The following SHISA9 variants were observed in gnomAD, a reference collection of about 807,000 sequenced individuals.
SHISA9 encodes the protein shisa family member 9.
A neutral mutation model predicts 38.0 loss-of-function variants in SHISA9; 13 were observed. The observed-to-expected ratio is 0.34, with a 90% confidence interval of 0.22 to 0.54. The LOEUF is 0.54. Ranked by LOEUF, SHISA9 falls within the 20% of genes least tolerant of loss-of-function variation. The pLI is 0.91. For missense variants in SHISA9, 538 were observed against 575.8 expected, an observed-to-expected ratio of 0.93 and a Z score of 0.67; for synonymous variants, 275 against 242.0, an observed-to-expected ratio of 1.14 and a Z score of -1.27.
At chr16:13,377,485 C>T in the SHISA9 span, among the ~76,000 whole-genome samples, 1 of 152,188 alleles carries the variant, frequency 6.6e-6, no homozygotes, top group African/African-American at 2.4e-5. Flanking sequence ...GTTACCTGGA[C>T]TGCTAGGCCA....
At chr16:13,378,233 GC>G in the SHISA9 span, among the ~76,000 whole-genome samples, 1 of 152,180 alleles carries the variant, frequency 6.6e-6, no homozygotes, top group Non-Finnish European at 1.5e-5. Context: ...CTCCAATATG[GC>G]TACCTCAGGT....
intron 2 of SHISA9, among the ~76,000 whole-genome samples, chr16:13,182,060 G>A (rs575470116): frequency 6.6e-6 from 1 of 152,236 alleles, no homozygotes; most frequent in South Asian, 2.1e-4. Flanking sequence ...ACATAGTGAT[G>A]GAACATCTAG....
At chr16:13,260,785 G>A in the SHISA9 span, among the ~76,000 whole-genome samples, 10 of 151,956 alleles carry the variant, frequency 6.6e-5, no homozygotes, top group South Asian at 2.1e-4. Context: ...TTTCAGCAGC[G>A]CCCCCCTTTA....
the SHISA9 span, among the ~76,000 whole-genome samples, chr16:13,441,222 C>A: frequency 6.6e-6 from 1 of 152,184 alleles, no homozygotes; most frequent in Non-Finnish European, 1.5e-5. Flanking sequence ...ACGTAAACAA[C>A]AATATGGCAT....
At chr16:13,063,739 G>T (rs556381795) in intron 2 of SHISA9, among the ~76,000 whole-genome samples, 1 of 152,264 alleles carries the variant, frequency 6.6e-6, no homozygotes, top group East Asian at 1.9e-4. Context: ...CACACACATT[G>T]GTACCATGAA....
downstream of SHISA9, among the ~76,000 whole-genome samples, chr16:13,244,992 T>A (rs1041165736): frequency 1.3e-5 from 2 of 152,218 alleles, no homozygotes; most frequent in Admixed American, 6.5e-5. Context: ...CACAGCTCAC[T>A]GCATCTTTGA....
chr16:13,176,432 T>C (rs1174917276), intron 2 of SHISA9, among the ~76,000 whole-genome samples: 1 of 152,222 alleles, frequency 6.6e-6, no homozygotes, highest in Non-Finnish European at 1.5e-5. Context: ...CCCCAAAGTC[T>C]TTCCAGGTCT....
chr16:13,374,838 A>G, the SHISA9 span, among the ~76,000 whole-genome samples: 1 of 152,118 alleles, frequency 6.6e-6, no homozygotes, highest in East Asian at 1.9e-4. Context: ...TTGTTTCCTG[A>G]CTTTTTAATG....
At chr16:12,904,102 T>C (rs2071060777) in intron 1 of SHISA9, among the ~76,000 whole-genome samples, 1 of 152,012 alleles carries the variant, frequency 6.6e-6, no homozygotes, top group Admixed American at 6.5e-5. Flanking sequence ...GGAGTAAAGC[T>C]CTGGCCCCGC....
At chr16:13,458,163 C>T in the SHISA9 span, among the ~76,000 whole-genome samples, 2 of 152,134 alleles carry the variant, frequency 1.3e-5, no homozygotes, top group African/African-American at 4.8e-5. Context: ...ATTCCAAGTG[C>T]GATGTACCAG....
chr16:13,307,007 T>G, the SHISA9 span, among the ~76,000 whole-genome samples: 30 of 152,338 alleles, frequency 2.0e-4, no homozygotes, highest in African/African-American at 6.7e-4. Context: ...TTTATTCTAT[T>G]TCATTTAAAA....
the SHISA9 span, among the ~76,000 whole-genome samples, chr16:13,430,318 C>A: frequency 1.4e-4 from 21 of 152,250 alleles, no homozygotes; most frequent in African/African-American, 4.8e-4. Flanking sequence ...AAACTTTGGA[C>A]GCGGAAACCA....
chr16:13,381,122 C>T, the SHISA9 span, among the ~76,000 whole-genome samples: 6 of 151,690 alleles, frequency 4.0e-5, no homozygotes, highest in Non-Finnish European at 7.4e-5. Flanking sequence ...AATAAGTTTT[C>T]TAAAGAGGGG....
rs78747450 is a variant in SHISA9 at position 13,235,862 on chromosome 16, G to C, written c.*453G>C. 35,724 of 158,860 alleles carry C rather than the reference G, an allele frequency of 0.22. 4,430 individuals are homozygous for C. Among genetic ancestry groups the C allele is most frequent in the East Asian group, 0.35 (1,881 of 5,334 alleles). The allele number at this position is 158,860 out of a possible 1,614,324, so 9.8% of individuals were successfully genotyped here. A position where few individuals can be genotyped will look rare whatever the true frequency, so the allele number is the denominator to read the frequency against. ...AGGTTCGAAAGCCAGGGTGGAAATG[G>C]GGGTAGAGAATGAGGGAGGACACAA... On this transcript the variant is annotated 3_prime_UTR_variant, in exon 5 of 5. Coordinates refer to ENST00000558583, the MANE Select transcript of SHISA9 (RefSeq NM_001145204.3).
chr16:13,463,744 A>T, the SHISA9 span, among the ~76,000 whole-genome samples: 1 of 152,230 alleles, frequency 6.6e-6, no homozygotes, highest in South Asian at 2.1e-4. Context: ...TGCTCAGGAA[A>T]TATCGAGCAA....
chr16:13,031,517 A>T (rs899367160), intron 2 of SHISA9, among the ~76,000 whole-genome samples: 1 of 152,210 alleles, frequency 6.6e-6, no homozygotes, highest in African/African-American at 2.4e-5. Flanking sequence ...CTGAGACTTA[A>T]CAAGTAGGCA....
chr16:13,211,705 G>T (rs902577250), intron 3 of SHISA9, among the ~76,000 whole-genome samples: 1 of 152,192 alleles, frequency 6.6e-6, no homozygotes, highest in Non-Finnish European at 1.5e-5. Flanking sequence ...ACTTATAAAT[G>T]AAAATTCATT....
At chr16:13,011,549 T>G (rs940830720) in intron 2 of SHISA9, among the ~76,000 whole-genome samples, 6 of 152,036 alleles carry the variant, frequency 3.9e-5, no homozygotes, top group Admixed American at 6.6e-5. Context: ...GGAGTTGGAG[T>G]CTTGCTCTTT....
the SHISA9 span, among the ~76,000 whole-genome samples, chr16:13,405,805 T>C: frequency 0.17 from 25,251 of 152,132 alleles, 2,735 homozygotes; most frequent in East Asian, 0.38. Context: ...AACATGATTT[T>C]ATTCTTTTTT....
Sources: gnomAD v4.1 joint callset for allele counts (sites outside exome capture counted in the v4.1 genomes callset) on GRCh38, gnomAD v4.1.1 for gene constraint, MANE v1.5 for transcripts, NCBI Gene and HGNC (gene_info 2026-07-23, HGNC 2026-07-21) for gene names.